Variants in PARD3 observed in about 807,000 individuals in gnomAD.
PARD3 encodes the protein par-3 family cell polarity regulator, also known as partitioning defective 3 homolog.
In PARD3, 75 loss-of-function variants were observed where a neutral mutation model predicts 155.4. The observed-to-expected ratio is 0.48, with a 90% CI of 0.40 to 0.58. PARD3 has a LOEUF of 0.58. Ranked by LOEUF, PARD3 falls within the 20% of genes least tolerant of loss-of-function variation. The pLI is 0.00. For synonymous variants in PARD3, 576 were observed against 610.5 expected (o/e 0.94, Z 0.83); for missense variants, 1,642 against 1,721.7 (o/e 0.95, Z 0.82).
intron 7 of PARD3, 76 bp from the exon 8 acceptor site, chr10:34,384,330 TTATTA>T (rs1170718891): frequency 7.8e-7 from 1 of 1,278,942 alleles, no homozygotes; most frequent in African/African-American, 1.5e-5. Flanking sequence ...TTTAATGCTG[TTATTA>T]TATTTACAAA....
At chr10:34,602,210 G>A (rs1185957456) in intron 2 of PARD3, among the ~76,000 whole-genome samples, 1 of 152,104 alleles carries the variant, frequency 6.6e-6, no homozygotes, top group Non-Finnish European at 1.5e-5. Flanking sequence ...TTCATTACTG[G>A]ACAGATCAAT....
In PARD3 at chr10:34,131,603, G is replaced by A; in HGVS notation, c.3420-20C>T. On this transcript the variant is annotated intron_variant, in intron 22 of 24. Transcript: ENST00000374788. ...CTGTTACTGAAAGAGAGATGAGGCA[G>A]CAGTGAATACCCTTCAGAAATATTA... The A allele has an allele frequency of 1.9e-6, 3 of 1,611,228 alleles. No homozygotes were observed. The South Asian group carries it at 3.3e-5, about 18-fold the overall frequency.
intron 21 of PARD3, among the ~76,000 whole-genome samples, chr10:34,271,523 T>C (rs1057444494): frequency 1.3e-5 from 2 of 152,126 alleles, no homozygotes; most frequent in African/African-American, 4.8e-5. Flanking sequence ...TCAGAAAACC[T>C]TCAGAAAACT....
intron 3 of PARD3, among the ~76,000 whole-genome samples, chr10:34,498,217 G>T (rs541834958): frequency 6.6e-6 from 1 of 152,226 alleles, no homozygotes; most frequent in African/African-American, 2.4e-5. Flanking sequence ...GTCAGATGTA[G>T]AAAGAGACAC....
intron 1 of PARD3, among the ~76,000 whole-genome samples, chr10:34,757,779 C>T (rs2133994068): frequency 6.6e-6 from 1 of 152,262 alleles, no homozygotes; most frequent in East Asian, 1.9e-4. Context: ...TAGGACCATG[C>T]CCAGGATTCT....
intron 1 of PARD3, among the ~76,000 whole-genome samples, chr10:34,770,713 T>G (rs1488224813): frequency 6.6e-6 from 1 of 152,200 alleles, no homozygotes; most frequent in African/African-American, 2.4e-5. Context: ...CTAGAACTTT[T>G]GCTTTCAGAG....
chr10:34,506,422 A>G (rs1316622647), intron 3 of PARD3, among the ~76,000 whole-genome samples: 1 of 152,184 alleles, frequency 6.6e-6, no homozygotes, highest in African/African-American at 2.4e-5. Flanking sequence ...CACCCAACAC[A>G]TTTATGAAAA....
intron 22 of PARD3, among the ~76,000 whole-genome samples, chr10:34,171,150 T>A (rs1260324126): frequency 6.6e-6 from 1 of 152,200 alleles, no homozygotes; most frequent in Admixed American, 6.5e-5. Context: ...TCAAAAAAGA[T>A]GGTATCCATA....
chr10:34,432,273 T>G (rs1472592534), intron 5 of PARD3, among the ~76,000 whole-genome samples: 1 of 147,790 alleles, frequency 6.8e-6, no homozygotes, highest in Admixed American at 6.8e-5. Flanking sequence ...ATAGGTCTAG[T>G]CAAAAGGAAT....
intron 5 of PARD3, among the ~76,000 whole-genome samples, chr10:34,448,409 T>A (rs2076875197): frequency 6.6e-6 from 1 of 152,012 alleles, no homozygotes; most frequent in Non-Finnish European, 1.5e-5. Flanking sequence ...GGAAAAATAT[T>A]GGCCATAGGG....
chr10:34,268,134 G>C (rs191961146), intron 22 of PARD3, among the ~76,000 whole-genome samples: 1 of 101,318 alleles, frequency 9.9e-6, no homozygotes, highest in South Asian at 3.1e-4. Flanking sequence ...ATGAAAGAGC[G>C]GGAAAAGATC....
At chr10:34,231,116 G>GTTTA (rs1952902800) in intron 22 of PARD3, among the ~76,000 whole-genome samples, 8 of 151,780 alleles carry the variant, frequency 5.3e-5, no homozygotes, top group Admixed American at 1.3e-4. Flanking sequence ...TTCTCAGTTT[G>GTTTA]TCATATTTGT....
intron 23 of PARD3, among the ~76,000 whole-genome samples, chr10:34,124,727 G>A (rs1442591329): frequency 1.3e-5 from 2 of 152,194 alleles, no homozygotes; most frequent in East Asian, 1.9e-4. Context: ...AGAAATGAAT[G>A]TTTTGGTCTT....
At chr10:34,157,778 T>C (rs1406423685) in intron 22 of PARD3, among the ~76,000 whole-genome samples, 1 of 152,124 alleles carries the variant, frequency 6.6e-6, no homozygotes, top group Non-Finnish European at 1.5e-5. Flanking sequence ...CTGATACACA[T>C]AAAACGGTGA....
chr10:34,604,995 A>C (rs1230794452), intron 2 of PARD3, among the ~76,000 whole-genome samples: 2 of 151,910 alleles, frequency 1.3e-5, no homozygotes, highest in Non-Finnish European at 2.9e-5. Flanking sequence ...ATAGAATTAA[A>C]AATTGTAGAT....
At chr10:34,254,587 T>C (rs1484670170) in intron 22 of PARD3, among the ~76,000 whole-genome samples, 1 of 150,400 alleles carries the variant, frequency 6.6e-6, no homozygotes, top group East Asian at 2.0e-4. Flanking sequence ...TGTATAAAAA[T>C]TTAGCTCTTT....
chr10:34,436,118 C>T (rs2076174573), intron 5 of PARD3, among the ~76,000 whole-genome samples: 1 of 152,190 alleles, frequency 6.6e-6, no homozygotes. Flanking sequence ...AAGGTAAGAA[C>T]TTTCAGAAAG....
chr10:34,486,660 T>G (rs2079492911), intron 3 of PARD3, among the ~76,000 whole-genome samples: 1 of 152,150 alleles, frequency 6.6e-6, no homozygotes, highest in African/African-American at 2.4e-5. Context: ...CAAAGGTTGA[T>G]GTGCACAGAA....
chr10:34,488,460 C>T (rs2079621816), intron 3 of PARD3: 1 of 152,200 alleles, frequency 6.6e-6, no homozygotes, highest in South Asian at 2.1e-4. Context: ...GCTGGGACCA[C>T]AGGCACTGGG....
Sources: allele counts gnomAD v4.1 joint callset (sites outside exome capture counted in the v4.1 genomes callset), GRCh38; gene constraint gnomAD v4.1.1; transcripts MANE v1.5; gene names NCBI Gene and HGNC (gene_info 2026-07-23, HGNC 2026-07-21).